Variants in TTN observed in about 807,000 individuals in gnomAD.
TTN encodes the protein connectin.
Under a neutral mutation model 3,223.0 loss-of-function variants are expected in TTN, and 1,525 were observed. The observed-to-expected ratio is 0.47, with a 90% CI of 0.45 to 0.49. TTN has a LOEUF of 0.49. Ranked by LOEUF, TTN falls within the 20% of genes least tolerant of loss-of-function variation. The pLI, the probability that TTN is intolerant of heterozygous loss-of-function variation, is 0.00. For synonymous variants in TTN, 14,094 were observed against 15,161.0 expected (o/e 0.93, Z 5.17); for missense variants, 40,786 against 43,424.0 (o/e 0.94, Z 5.40).
intron 93 of TTN, 48 bp from the exon 94 acceptor site, chr2:178,713,023 T>C (rs1379308326): frequency 1.2e-5 from 19 of 1,605,006 alleles, no homozygotes; most frequent in Non-Finnish European, 1.5e-5. Flanking sequence ...TTGTGAATTG[T>C]TATGACAAAC....
chr2:178,765,772 A>C (rs557084908), intron 41 of TTN, among the ~76,000 whole-genome samples: 1 of 152,296 alleles, frequency 6.6e-6, no homozygotes, highest in South Asian at 2.1e-4. Flanking sequence ...ATTCAGCCTT[A>C]AGATTTCTAA....
chr2:178,753,281 C>A (rs1356174001), intron 46 of TTN, 101 bp from the exon 47 acceptor site: 15 of 914,862 alleles, frequency 1.6e-5, no homozygotes, highest in Non-Finnish European at 2.2e-5. Flanking sequence ...TTTATTATAA[C>A]AACAGAAAAC....
intron 33 of TTN, 75 bp downstream of exon 33, chr2:178,773,034 T>C: frequency 1.3e-6 from 2 of 1,595,966 alleles, no homozygotes; most frequent in Non-Finnish European, 1.7e-6. Flanking sequence ...GAAAGGAATT[T>C]TGGGGGAAAT....
intron 257 of TTN, among the ~76,000 whole-genome samples, chr2:178,616,237 AT>A (rs1011621259): frequency 5.4e-4 from 80 of 148,568 alleles, no homozygotes; most frequent in African/African-American, 9.6e-4. Context: ...TCAGTAGGGA[AT>A]TTTTTTTTTT....
Position 178,617,793 on chromosome 2 carries a change from A to G in TTN, c.47558T>C (p.Val15853Ala). The change falls in exon 253 of 363, where the codon GTT becomes GCT. Residue 15853 changes from valine to alanine, a missense_variant. Val to Ala is a moderately conservative substitution (Grantham distance 64). Transcript: ENST00000589042. ...GATGGGCTTACCAATTGGATCAGCA[A>G]CTTTGACGAAGGGTGTGGCTGCACT... ...KPSAATPFVKVADPIERPSPP... is the reference protein window; with the variant it reads ...KPSAATPFVKAADPIERPSPP... The G allele has an allele frequency of 6.2e-7, 1 of 1,612,312 alleles. No individual in the cohort carries two copies. The highest frequency in any genetic ancestry group is 8.5e-7 in the Non-Finnish European group (1 of 1,178,934).
rs752470969 is a variant in TTN, at chr2:178,547,651, C to T, written c.93975G>A (p.Ser31325=). 46 of 1,613,766 alleles carry T rather than the reference C, an allele frequency of 2.9e-5. No individual in the cohort carries two copies. The highest frequency in any genetic ancestry group is 6.7e-5 in the East Asian group (3 of 44,872). ...TAGGTTCTCCCCATGACAGGACACA[C>T]GATTCAGCTGAGACAGATGAGACCT... ...PIEVSSVSAE[S]CVLSWGEPKD... is the part of the protein sequence containing the mutation. Residue 31325 remains serine, a synonymous_variant, in exon 339 of 363, where the codon TCG becomes TCA. Transcript: ENST00000589042.
intron 241 of TTN, 77 bp from the exon 242 acceptor site, chr2:178,624,808 G>A: frequency 6.6e-7 from 1 of 1,526,446 alleles, no homozygotes; most frequent in Non-Finnish European, 8.9e-7. Context: ...ACTTTCCCCT[G>A]CCATCTCCAG....
In TTN at chr2:178,583,608, A is replaced by T; in HGVS notation, c.65574T>A (p.Asn21858Lys). Residue 21858 changes from asparagine (N) to lysine (K), a missense_variant and splice_region_variant, in exon 312 of 363, where the codon AAT becomes AAA. Transcript: ENST00000589042. ...PSDPVTILAE[N>K]VPPRIDLSVA... ...CTATAATACTCAGCAGAATCTTACCATTTTCTGCGAGGATAGTCACTGGAT... is the reference window on the plus strand; with the variant it reads ...CTATAATACTCAGCAGAATCTTACCTTTTTCTGCGAGGATAGTCACTGGAT... The T allele has an allele frequency of 6.3e-7, 1 of 1,592,798 alleles. No homozygotes were observed. Among genetic ancestry groups the T allele is most frequent in the Admixed American group, 1.7e-5 (1 of 58,308 alleles).
rs56245285 is a variant in TTN, at chr2:178,574,759, A to C, written c.71373T>G (p.Leu23791=). Residue 23791 remains leucine, a synonymous_variant, in exon 326 of 363, where the codon CTT becomes CTG. Transcript: ENST00000589042. ...VIRTTYKATR[L]TTGLEYQFRV... is the part of the protein sequence containing the mutation. ...GGAACTGATACTCTAATCCAGTAGT[A>C]AGGCGGGTGGCTTTATAGGTAGTAC... 2.4e-4 allele frequency: 379 copies of C among 1,612,496 alleles called. 1 individual carries two copies. Among genetic ancestry groups the C allele is most frequent in the Non-Finnish European group, 3.0e-4 (353 of 1,179,142 alleles).
intron 307 of TTN, 153 bp from the exon 308 acceptor site, chr2:178,586,960 TC>T (rs1331246396): frequency 7.4e-7 from 1 of 1,358,060 alleles, no homozygotes; most frequent in Non-Finnish European, 1.0e-6. Flanking sequence ...ATGAGACAGA[TC>T]AAAAAAGTGT....
At position 178,587,311 on chromosome 2, in the gene TTN, A is replaced by G. The variant is rs754190655; in HGVS notation, c.63900T>C (p.His21300=). 3 of 1,612,700 alleles carry G rather than the reference A, an allele frequency of 1.9e-6. No homozygotes were observed. Among genetic ancestry groups the G allele is most frequent in the South Asian group, 2.2e-5 (2 of 91,042 alleles). Reference sequence around the variant, plus strand: ...CTGCCTCACGTTTCTCCACGATATAATGTGTCACTTGGCTCCCACCGTCGT... The same window carrying G: ...CTGCCTCACGTTTCTCCACGATATAGTGTGTCACTTGGCTCCCACCGTCGT... ...PENDGGSQVT[H]YIVEKREADR... The change falls in exon 307 of 363, where the codon CAT becomes CAC. Residue 21300 remains histidine, a synonymous_variant. Transcript: ENST00000589042.
Position 178,707,776 on chromosome 2 carries a change from AG to A in TTN, c.28790del (p.Thr9597IlefsTer3). 6.2e-7 allele frequency: 1 copy of A among 1,612,170 alleles called. No homozygotes were observed. The highest frequency in any genetic ancestry group is 8.5e-7 in the Non-Finnish European group (1 of 1,178,518). ...KKPPVFDQHL[T>X]PVTVSEGEYV... ...ATTCTCCTTCACTCACTGTTACTGG[AG>A]TAAGGTGCTGATCAAATACAGGTGG... On this transcript the variant is annotated frameshift_variant, in exon 100 of 363. Transcript: ENST00000589042. LOFTEE classifies it high-confidence loss of function.
intron 6 of TTN, among the ~76,000 whole-genome samples, chr2:178,796,628 T>G (rs1295782530): frequency 1.3e-5 from 2 of 152,202 alleles, no homozygotes; most frequent in East Asian, 1.9e-4. Context: ...TAGAATAATG[T>G]GTGGTTTCCA....
Position 178,794,516 on chromosome 2 carries a change from C to T in TTN, c.1281G>A (p.Ala427=), listed in dbSNP as rs569584999. The T allele has an allele frequency of 1.8e-5, 29 of 1,614,150 alleles. No individual in the cohort carries two copies. The highest frequency in any genetic ancestry group is 2.2e-5 in the South Asian group (2 of 91,078). ...CCATATCAACGGCAGCAACAACAGT[C>T]GCAACAGCTGCACTTTTGTCAGCAT... The part of the protein sequence containing the change: ...KQDADKSAAV[A]TVVAAVDMAR... Residue 427 remains alanine (A), a synonymous_variant, in exon 8 of 363, where the codon GCG becomes GCA. Transcript: ENST00000589042.
At chr2:178,689,466 G>T in intron 123 of TTN, 49 bp downstream of exon 123, 1 of 1,601,294 alleles carries the variant, frequency 6.2e-7, no homozygotes, top group Non-Finnish European at 8.5e-7. Context: ...TGCAATTAAA[G>T]AGGCTTGAAG....
Position 178,552,202 on chromosome 2 carries a change from C to T in TTN, c.90698G>A (p.Arg30233Gln), listed in dbSNP as rs757438306. 1.5e-5 allele frequency: 25 copies of T among 1,613,410 alleles called. No homozygotes were observed. Among genetic ancestry groups the T allele is most frequent in the East Asian group, 1.1e-4 (5 of 44,876 alleles). Reference protein sequence around the residue: ...GPPSKPKGPIRFDEIKADSVI... With the variant: ...GPPSKPKGPIQFDEIKADSVI... Reference sequence around the variant, plus strand: ...ACTATCAGCCTTGATTTCATCAAATCGAATGGGTCCTTTGGGCTTTGATGG... The same window carrying T: ...ACTATCAGCCTTGATTTCATCAAATTGAATGGGTCCTTTGGGCTTTGATGG... The change falls in exon 335 of 363, where the codon CGA becomes CAA. Residue 30233 changes from arginine to glutamine, a missense_variant. Coordinates refer to ENST00000589042, the MANE Select transcript of TTN (RefSeq NM_001267550.2).
intron 122 of TTN, 79 bp downstream of exon 122, chr2:178,689,734 C>T: frequency 1.4e-6 from 2 of 1,478,516 alleles, no homozygotes; most frequent in South Asian, 1.3e-5. Context: ...ATTAAACTAA[C>T]TCAATGAACA....
intron 121 of TTN, among the ~76,000 whole-genome samples, chr2:178,690,903 T>A (rs937311574): frequency 6.6e-6 from 1 of 152,058 alleles, no homozygotes; most frequent in Non-Finnish European, 1.5e-5. Flanking sequence ...AACGAATTAG[T>A]GATTACACAA....
In TTN at chr2:178,729,250, G is replaced by A; in HGVS notation, c.18868+38C>T. 1.9e-6 allele frequency: 3 copies of A among 1,558,434 alleles called. No homozygotes were observed. The East Asian group carries it at 6.8e-5, about 35-fold the overall frequency. On this transcript the variant is annotated intron_variant, in intron 64 of 362. Coordinates refer to ENST00000589042, the MANE Select transcript of TTN (RefSeq NM_001267550.2). ...AATGATAAGATTTAAAAGCGTTACAGAATTTTTATTTGATAGGCTGCTTCT... is the reference window on the plus strand; with the variant it reads ...AATGATAAGATTTAAAAGCGTTACAAAATTTTTATTTGATAGGCTGCTTCT...
Sources: allele counts gnomAD v4.1 joint callset (sites outside exome capture counted in the v4.1 genomes callset), GRCh38; gene constraint gnomAD v4.1.1; transcripts MANE v1.5; gene names NCBI Gene and HGNC (gene_info 2026-07-23, HGNC 2026-07-21).